LRMDA: variants seen among roughly 807,000 people sequenced by gnomAD.
LRMDA encodes leucine rich melanocyte differentiation associated.
In LRMDA, 18 loss-of-function variants were observed where a neutral mutation model predicts 29.8. That is an observed-to-expected ratio of 0.60 (90% CI 0.42 to 0.90). The LOEUF (loss-of-function observed/expected upper bound fraction) is 0.90, where lower values mean the gene tolerates loss of function less well. Among genes scored for constraint, LRMDA ranks in the 40% least tolerant of loss-of-function variants. The probability of loss-of-function intolerance (pLI) is 0.00; values close to 1 mark genes in which losing one functional copy is unlikely to be tolerated. For synonymous variants in LRMDA, 125 were observed against 109.4 expected (o/e 1.14, Z -0.89); for missense variants, 273 against 273.9 (o/e 1.00, Z 0.02).
chr10:75,504,586 G>A (rs1166507932), intron 2 of LRMDA, among the ~76,000 whole-genome samples: 1 of 152,178 alleles, frequency 6.6e-6, no homozygotes, highest in Non-Finnish European at 1.5e-5. Context: ...ATAGGGGGGA[G>A]TCATCTTCTC....
chr10:75,701,118 G>C (rs1842303389), intron 2 of LRMDA, among the ~76,000 whole-genome samples: 1 of 152,208 alleles, frequency 6.6e-6, no homozygotes, highest in South Asian at 2.1e-4. Flanking sequence ...AGGTGGCATT[G>C]GGAAGGGGAG....
intron 5 of LRMDA, among the ~76,000 whole-genome samples, chr10:76,088,117 G>A (rs1849167169): frequency 6.6e-6 from 1 of 152,126 alleles, no homozygotes; most frequent in Non-Finnish European, 1.5e-5. Context: ...GACACACAAA[G>A]TCTCACAGAC....
At chr10:75,697,854 T>TGTGTGTGTGCGCGCGCAC in intron 2 of LRMDA, among the ~76,000 whole-genome samples, 1 of 151,622 alleles carries the variant, frequency 6.6e-6, no homozygotes, top group Non-Finnish European at 1.5e-5. Context: ...TGTGTGTGCG[T>TGTGTGTGTGCGCGCGCAC]GTGTGTGTGT....
At chr10:76,289,509 C>T (rs1049793820) in intron 5 of LRMDA, among the ~76,000 whole-genome samples, 2 of 152,210 alleles carry the variant, frequency 1.3e-5, no homozygotes, top group East Asian at 1.9e-4. Flanking sequence ...TGCAGTATTA[C>T]AGGAAGTAGT....
chr10:76,504,030 A>G (rs1202890677), intron 6 of LRMDA, among the ~76,000 whole-genome samples: 1 of 151,578 alleles, frequency 6.6e-6, no homozygotes, highest in Non-Finnish European at 1.5e-5. Flanking sequence ...AGTTGTGTCT[A>G]TATTTTCATT....
chr10:75,560,746 A>G (rs1317379424), intron 2 of LRMDA, among the ~76,000 whole-genome samples: 4 of 151,430 alleles, frequency 2.6e-5, no homozygotes, highest in African/African-American at 4.8e-5. Flanking sequence ...AGCATGAAGC[A>G]TTGTTGAATT....
intron 6 of LRMDA, among the ~76,000 whole-genome samples, chr10:76,519,124 C>G (rs535563461): frequency 1.3e-5 from 2 of 151,970 alleles, no homozygotes; most frequent in African/African-American, 4.8e-5. Flanking sequence ...GCCTGGGCAA[C>G]GTGGTGAAAC....
intron 2 of LRMDA, among the ~76,000 whole-genome samples, chr10:75,870,977 A>G (rs1845099899): frequency 6.6e-6 from 1 of 152,158 alleles, no homozygotes; most frequent in South Asian, 2.1e-4. Flanking sequence ...TCTGTGATGT[A>G]TCTCCTCAAC....
chr10:76,314,233 C>CT (rs1312603220), intron 5 of LRMDA, among the ~76,000 whole-genome samples: 2 of 152,066 alleles, frequency 1.3e-5, no homozygotes, highest in African/African-American at 4.8e-5. Context: ...ACACAACATC[C>CT]TTTTTTTGTT....
chr10:76,039,263 T>A (rs952335201), intron 3 of LRMDA, among the ~76,000 whole-genome samples: 3 of 152,204 alleles, frequency 2.0e-5, no homozygotes, highest in Non-Finnish European at 4.4e-5. Context: ...TGGCATCTTG[T>A]CTCCTTCAGA....
intron 2 of LRMDA, among the ~76,000 whole-genome samples, chr10:75,975,045 T>C (rs148364982): frequency 4.6e-5 from 7 of 152,348 alleles, no homozygotes; most frequent in African/African-American, 1.4e-4. Context: ...AGGACCAGCA[T>C]TTCTTTAAAT....
chr10:75,635,007 T>G (rs1191078724), intron 2 of LRMDA, among the ~76,000 whole-genome samples: 3 of 152,164 alleles, frequency 2.0e-5, no homozygotes, highest in Non-Finnish European at 4.4e-5. Flanking sequence ...GAAAAGGTAG[T>G]CTTCCCATCT....
chr10:75,802,793 T>A (rs1460648743), intron 2 of LRMDA, among the ~76,000 whole-genome samples: 1 of 152,080 alleles, frequency 6.6e-6, no homozygotes, highest in Non-Finnish European at 1.5e-5. Flanking sequence ...AAGGGTTCTC[T>A]ATAAAGAGTA....
At chr10:75,505,903 G>A (rs1049042282) in intron 2 of LRMDA, among the ~76,000 whole-genome samples, 1 of 152,130 alleles carries the variant, frequency 6.6e-6, no homozygotes, top group Non-Finnish European at 1.5e-5. Context: ...TTCAACACAT[G>A]TTTATTAAGA....
chr10:76,313,675 G>GA (rs1330363030), intron 5 of LRMDA, among the ~76,000 whole-genome samples: 4 of 152,128 alleles, frequency 2.6e-5, no homozygotes, highest in East Asian at 1.9e-4. Context: ...AAGTCTCTGG[G>GA]AAAAAAAGTG....
intron 2 of LRMDA, among the ~76,000 whole-genome samples, chr10:75,595,709 AATAT>A (rs966300763): frequency 3.3e-5 from 5 of 151,662 alleles, no homozygotes; most frequent in Non-Finnish European, 5.9e-5. Context: ...CTTTTAAATT[AATAT>A]ATATATTTTT....
intron 5 of LRMDA, among the ~76,000 whole-genome samples, chr10:76,217,994 G>T (rs1290971068): frequency 6.6e-6 from 1 of 152,150 alleles, no homozygotes; most frequent in Non-Finnish European, 1.5e-5. Flanking sequence ...CTGAAAACAT[G>T]AATCTGCTGC....
At chr10:76,206,114 A>G (rs1851529687) in intron 5 of LRMDA, among the ~76,000 whole-genome samples, 1 of 152,206 alleles carries the variant, frequency 6.6e-6, no homozygotes, top group Non-Finnish European at 1.5e-5. Context: ...GATTTTGTCG[A>G]TGATGACCTA....
chr10:76,062,259 G>A lies in LRMDA; in HGVS notation c.516+3476G>A, dbSNP rs1848713027. On this transcript the variant is annotated intron_variant, in intron 5 of 6. Coordinates refer to ENST00000611255, the MANE Select transcript of LRMDA (RefSeq NM_001305581.2). The stretch of plus-strand genomic sequence containing the variant: ...GCAGAATGCTCTGATGGATGATTAA[G>A]GTGGCCGTGATTTGGGGAGCTATTT... Among the ~76,000 whole-genome samples the A allele has an allele frequency of 2.6e-5, 4 of 152,198 alleles. No homozygotes were observed. The South Asian group carries it at 8.3e-4, about 32-fold the overall frequency.
Sources: allele counts gnomAD v4.1 joint callset (sites outside exome capture counted in the v4.1 genomes callset), GRCh38; gene constraint gnomAD v4.1.1; transcripts MANE v1.5; gene names NCBI Gene and HGNC (gene_info 2026-07-23, HGNC 2026-07-21).